Variants in EBF1 observed in about 807,000 individuals in gnomAD.
The protein encoded by EBF1 is transcription factor COE1.
In EBF1, 10 loss-of-function variants were observed where a neutral mutation model predicts 68.4. The ratio of observed to expected loss-of-function variants is 0.15; its 90% CI spans 0.09 to 0.25. The LOEUF (loss-of-function observed/expected upper bound fraction) is 0.25. Ranked by LOEUF, EBF1 falls within the 10% of genes least tolerant of loss-of-function variation. The pLI, the probability that EBF1 is intolerant of heterozygous loss-of-function variation, is 1.00. For synonymous variants in EBF1, 298 were observed against 299.8 expected, an observed-to-expected ratio of 0.99 and a Z score of 0.06; for missense variants, 509 against 794.4, an observed-to-expected ratio of 0.64 and a Z score of 4.32.
intron 10 of EBF1, among the ~76,000 whole-genome samples, chr5:158,768,862 TAA>T (rs887391386): frequency 1.3e-5 from 2 of 152,104 alleles, no homozygotes; most frequent in African/African-American, 2.4e-5. Context: ...ATGTTCGGTT[TAA>T]AAAAAGTGAA....
rs561754147 is a variant in EBF1 at position 159,015,360 on chromosome 5, G to C, written c.554+58036C>G. Among the ~76,000 whole-genome samples the C allele has an allele frequency of 1.1e-4, 17 of 152,294 alleles. No homozygotes were observed. In the East Asian group the frequency reaches 3.3e-3, roughly 29 times the overall value. ...TTCACTGTATTCCCTGCAACAACCA[G>C]GAAGCTCCAACATCCAGCTATACTT... On this transcript the variant is annotated intron_variant, in intron 6 of 15. Coordinates refer to ENST00000313708, the MANE Select transcript of EBF1 (RefSeq NM_024007.5).
intron 6 of EBF1, among the ~76,000 whole-genome samples, chr5:159,031,587 A>T (rs1363168014): frequency 6.6e-6 from 1 of 152,244 alleles, no homozygotes; most frequent in Non-Finnish European, 1.5e-5. Flanking sequence ...GGGAGGAGGC[A>T]AAGTCTGTGG....
intron 6 of EBF1, among the ~76,000 whole-genome samples, chr5:158,962,144 C>A (rs920096475): frequency 6.6e-6 from 1 of 152,100 alleles, no homozygotes; most frequent in Non-Finnish European, 1.5e-5. Flanking sequence ...GCTTGAGGGG[C>A]GGTATGCTTC....
intron 6 of EBF1, among the ~76,000 whole-genome samples, chr5:158,853,495 A>C (rs969340693): frequency 1.3e-5 from 2 of 152,202 alleles, no homozygotes; most frequent in Non-Finnish European, 2.9e-5. Flanking sequence ...TGAATCTATA[A>C]TAGAATATAA....
chr5:158,841,877 A>T (rs1332886395), intron 6 of EBF1, among the ~76,000 whole-genome samples: 1 of 152,230 alleles, frequency 6.6e-6, no homozygotes, highest in African/African-American at 2.4e-5. Context: ...ACATCGTCCT[A>T]AAATGACTGT....
chr5:158,865,444 TGA>T (rs937831896), intron 6 of EBF1, among the ~76,000 whole-genome samples: 24 of 152,198 alleles, frequency 1.6e-4, no homozygotes, highest in African/African-American at 5.8e-4. Context: ...AGGATTATTG[TGA>T]GAAATAAGTA....
intron 6 of EBF1, among the ~76,000 whole-genome samples, chr5:158,995,576 C>T (rs1370924979): frequency 6.6e-6 from 1 of 152,120 alleles, no homozygotes. Flanking sequence ...GAAAAAGCCC[C>T]GAACAGGGCA....
Position 158,696,038 on chromosome 5 carries a change from C to A in EBF1, c.*3073G>T. 1 of 197,758 alleles carries A rather than the reference C, an allele frequency of 5.1e-6. No individual in the cohort carries two copies. The allele number at this position is 197,758 out of a possible 1,614,324, so 12.3% of individuals were successfully genotyped here. A position where few individuals can be genotyped will look rare whatever the true frequency, so the allele number is the denominator to read the frequency against. ...TCTCTACAGTAGTTAGGTTCTCTAACAATTGAACTGTACAGTGTGTGTCTA... is the reference window on the plus strand; with the variant it reads ...TCTCTACAGTAGTTAGGTTCTCTAAAAATTGAACTGTACAGTGTGTGTCTA... On this transcript the variant is annotated 3_prime_UTR_variant, in exon 16 of 16. Coordinates refer to ENST00000313708, the MANE Select transcript of EBF1 (RefSeq NM_024007.5).
chr5:158,954,357 C>T lies in EBF1; in HGVS notation c.555-114247G>A, dbSNP rs145781725. On this transcript the variant is annotated intron_variant, in intron 6 of 15. Coordinates refer to ENST00000313708, the MANE Select transcript of EBF1 (RefSeq NM_024007.5). ...CATTAAAATCCAAATGTGCCAGCAA[C>T]GGTGCCAAATGTACTCTAGGCCTTG... 1.9e-3 allele frequency among the ~76,000 whole-genome samples: 284 copies of T among 152,344 alleles called. 1 individual carries two copies. Among genetic ancestry groups the T allele is most frequent in the African/African-American group, 6.3e-3 (263 of 41,568 alleles).
intron 5 of EBF1, 123 bp from the exon 6 acceptor site, chr5:159,073,587 A>C: frequency 1.0e-6 from 1 of 996,716 alleles, no homozygotes; most frequent in Non-Finnish European, 1.6e-6. Context: ...CATACCTGGC[A>C]ATCAACGGAT....
At chr5:158,733,786 C>T (rs539460820) in intron 10 of EBF1, among the ~76,000 whole-genome samples, 19 of 152,222 alleles carry the variant, frequency 1.2e-4, no homozygotes, top group African/African-American at 3.9e-4. Flanking sequence ...ACAATGGAAT[C>T]GTCCAGTGCT....
intron 6 of EBF1, among the ~76,000 whole-genome samples, chr5:158,888,770 A>G (rs779520497): frequency 2.6e-5 from 4 of 151,882 alleles, no homozygotes; most frequent in Non-Finnish European, 4.4e-5. Flanking sequence ...CCATAATGCA[A>G]TTCTCCTCCA....
At chr5:159,015,028 A>G (rs1765385697) in intron 6 of EBF1, among the ~76,000 whole-genome samples, 1 of 151,880 alleles carries the variant, frequency 6.6e-6, no homozygotes. Flanking sequence ...TATTTAGGCC[A>G]CTCTTGTTTT....
intron 5 of EBF1, among the ~76,000 whole-genome samples, chr5:159,080,685 G>A (rs924910528): frequency 6.6e-6 from 1 of 152,152 alleles, no homozygotes; most frequent in Admixed American, 6.5e-5. Context: ...AGTACTTACT[G>A]TGTGTAAAGG....
At chr5:158,979,892 G>T (rs888119547) in intron 6 of EBF1, among the ~76,000 whole-genome samples, 2 of 152,168 alleles carry the variant, frequency 1.3e-5, no homozygotes, top group African/African-American at 2.4e-5. Context: ...AAAATGCAAA[G>T]GTCATTCTCT....
At chr5:159,014,226 T>C (rs577012350) in intron 6 of EBF1, among the ~76,000 whole-genome samples, 3 of 152,324 alleles carry the variant, frequency 2.0e-5, no homozygotes, top group Non-Finnish European at 2.9e-5. Flanking sequence ...TAAAGTTACA[T>C]GGCAGGCAGA....
intron 10 of EBF1, among the ~76,000 whole-genome samples, chr5:158,735,545 C>T (rs1184164551): frequency 6.6e-6 from 1 of 152,088 alleles, no homozygotes; most frequent in African/African-American, 2.4e-5. Flanking sequence ...AGTAAGCTTG[C>T]AGGGCAAATG....
intron 6 of EBF1, among the ~76,000 whole-genome samples, chr5:159,048,484 C>T (rs772149383): frequency 6.6e-6 from 1 of 152,198 alleles, no homozygotes; most frequent in Admixed American, 6.5e-5. Context: ...CAAGAGGGGA[C>T]AGGTGCCAGG....
At chr5:159,074,511 G>A (rs1054174322) in intron 5 of EBF1, among the ~76,000 whole-genome samples, 3 of 152,204 alleles carry the variant, frequency 2.0e-5, no homozygotes, top group Non-Finnish European at 2.9e-5. Flanking sequence ...CACAGAGAGA[G>A]ATACACACAT....
Sources: allele counts gnomAD v4.1 joint callset (sites outside exome capture counted in the v4.1 genomes callset), GRCh38; gene constraint gnomAD v4.1.1; transcripts MANE v1.5; gene names NCBI Gene and HGNC (gene_info 2026-07-23, HGNC 2026-07-21).